Variants in ZNF487 observed in about 807,000 individuals in gnomAD.
The protein encoded by ZNF487 is zinc finger protein 487.
ZNF487 carries 4 observed loss-of-function variants against 3.0 expected under a neutral mutation model. The observed-to-expected ratio is 1.35, with a 90% CI of 0.66 to 3.08. ZNF487 has a LOEUF of 3.08. Ranked by LOEUF, ZNF487 falls within the 30% of genes most tolerant of loss-of-function variation. The pLI, the probability that ZNF487 is intolerant of heterozygous loss-of-function variation, is 0.01. For missense variants in ZNF487, 146 were observed against 98.7 expected (o/e 1.48, Z -2.03); for synonymous variants, 55 against 34.6 (o/e 1.59, Z -2.06).
rs544865028 is a variant in ZNF487, at chr10:43,459,836, C to T, written c.-93-15885C>T. Among the ~76,000 whole-genome samples, 22 of 150,452 alleles carry T rather than the reference C, an allele frequency of 1.5e-4. No homozygotes were observed. In the South Asian group the frequency reaches 4.6e-3, roughly 32 times the overall value. ...TTATTTTCTGAGATGGAGTCTCGCTCTGTCGTCCAGGCTGGAGTGCAGTGG... is the reference window on the plus strand; with the variant it reads ...TTATTTTCTGAGATGGAGTCTCGCTTTGTCGTCCAGGCTGGAGTGCAGTGG... On this transcript the variant is annotated intron_variant, in intron 1 of 3. Transcript: ENST00000437590.
chr10:43,457,660 A>T (rs1840266032), intron 1 of ZNF487, among the ~76,000 whole-genome samples: 1 of 151,874 alleles, frequency 6.6e-6, no homozygotes, highest in Non-Finnish European at 1.5e-5. Flanking sequence ...ACTGCACTCC[A>T]GCCTGGGCAA....
rs538657846 is a variant in ZNF487, at chr10:43,479,927, A to G, written c.131-1502A>G. On this transcript the variant is annotated intron_variant, in intron 3 of 3. Transcript: ENST00000437590. ...TGCCTCGGCCTCCCAAAGTGCTGGGATTACAGGTGTGAACCACTGCACCTG... is the reference window on the plus strand; with the variant it reads ...TGCCTCGGCCTCCCAAAGTGCTGGGGTTACAGGTGTGAACCACTGCACCTG... 1.1e-4 allele frequency among the ~76,000 whole-genome samples: 16 copies of G among 151,782 alleles called. No individual in the cohort carries two copies. In the East Asian group the frequency reaches 2.9e-3, roughly 28 times the overall value.
At chr10:43,441,741 T>C (rs1839620264) in intron 1 of ZNF487, among the ~76,000 whole-genome samples, 1 of 151,806 alleles carries the variant, frequency 6.6e-6, no homozygotes, top group Admixed American at 6.6e-5. Flanking sequence ...TGCATGCCAC[T>C]GTGCTTGGCT....
At position 43,475,796 on chromosome 10, in the gene ZNF487, AC is replaced by A; in HGVS notation, c.-14del. The A allele has an allele frequency of 1.3e-6, 1 of 780,620 alleles. No individual in the cohort carries two copies. The highest frequency in any genetic ancestry group is 1.7e-5 in the Admixed American group (1 of 58,918). The allele number at this position is 780,620 out of a possible 1,614,324, so 48.4% of individuals were successfully genotyped here. A position where few individuals can be genotyped will look rare whatever the true frequency, so the allele number is the denominator to read the frequency against. ...GCAGCATCTGGACTCTGCTCAGAGG[AC>A]CCCGTACAGAGACATGATGCTGGAG... On this transcript the variant is annotated 5_prime_UTR_variant, in exon 2 of 4. Coordinates refer to ENST00000437590, the MANE Select transcript of ZNF487 (RefSeq NM_001355444.3).
the ZNF487 span, among the ~76,000 whole-genome samples, chr10:43,506,263 C>T: frequency 2.6e-5 from 4 of 152,122 alleles, no homozygotes; most frequent in Admixed American, 6.5e-5. Flanking sequence ...CCTATAATCC[C>T]AGCACTTTGG....
chr10:43,463,046 C>A (rs1288496873), intron 1 of ZNF487, among the ~76,000 whole-genome samples: 1 of 151,778 alleles, frequency 6.6e-6, no homozygotes, highest in African/African-American at 2.4e-5. Context: ...ACCAGCCTGA[C>A]CAACATGGAG....
chr10:43,450,933 T>G (rs553472936), intron 1 of ZNF487, among the ~76,000 whole-genome samples: 1 of 152,126 alleles, frequency 6.6e-6, no homozygotes, highest in South Asian at 2.1e-4. Context: ...GTTTGCACCA[T>G]TATTATTATT....
intron 1 of ZNF487, among the ~76,000 whole-genome samples, chr10:43,456,568 C>T (rs11238550): frequency 0.23 from 35,236 of 152,048 alleles, 5,076 homozygotes; most frequent in Admixed American, 0.34. Context: ...AATATTACTA[C>T]CTCTAAGAAA....
chr10:43,479,873 T>G (rs939391154), intron 3 of ZNF487, among the ~76,000 whole-genome samples: 3 of 151,960 alleles, frequency 2.0e-5, no homozygotes, highest in African/African-American at 7.2e-5. Flanking sequence ...CAAGGCTGGT[T>G]TCAAACTCCT....
chr10:43,472,303 C>T (rs1425809110), intron 1 of ZNF487, among the ~76,000 whole-genome samples: 3 of 152,184 alleles, frequency 2.0e-5, no homozygotes, highest in African/African-American at 7.2e-5. Context: ...CTCTCCCAAA[C>T]CCACAACCTC....
At chr10:43,490,348 C>T in the ZNF487 span, among the ~76,000 whole-genome samples, 4,256 of 151,884 alleles carry the variant, frequency 0.028, 95 homozygotes, top group South Asian at 0.041. Context: ...CAAGACCCTG[C>T]CTCAAACAAA....
chr10:43,460,458 C>T (rs1222162469), intron 1 of ZNF487, among the ~76,000 whole-genome samples: 2 of 149,380 alleles, frequency 1.3e-5, no homozygotes, highest in Non-Finnish European at 3.0e-5. Flanking sequence ...TCATGGCAAC[C>T]TCTGCCTCCC....
At chr10:43,496,041 C>A in the ZNF487 span, 13 of 534,074 alleles carry the variant, frequency 2.4e-5, no homozygotes, top group African/African-American at 3.8e-5. Context: ...AAGGACGTGA[C>A]TGTGGACTTC....
At chr10:43,464,415 C>T (rs188672608) in intron 1 of ZNF487, among the ~76,000 whole-genome samples, 1,621 of 151,648 alleles carry the variant, frequency 0.011, 22 homozygotes, top group African/African-American at 0.037. Flanking sequence ...GGGTGTTTCT[C>T]GCAGAGGGGG....
At chr10:43,517,725 A>C in the ZNF487 span, among the ~76,000 whole-genome samples, 1 of 152,166 alleles carries the variant, frequency 6.6e-6, no homozygotes, top group Non-Finnish European at 1.5e-5. Context: ...TGGCACAGCT[A>C]CCAAAACCTC....
At chr10:43,502,008 T>A in the ZNF487 span, among the ~76,000 whole-genome samples, 1 of 152,180 alleles carries the variant, frequency 6.6e-6, no homozygotes, top group Admixed American at 6.5e-5. Flanking sequence ...AGAGGTACCA[T>A]TTGACCCAGC....
the ZNF487 span, among the ~76,000 whole-genome samples, chr10:43,515,809 T>A: frequency 1.3e-5 from 2 of 152,122 alleles, no homozygotes; most frequent in African/African-American, 4.8e-5. Flanking sequence ...GGAGTCTCGC[T>A]CGGCCGCCAG....
chr10:43,474,766 A>G (rs1231929932), intron 1 of ZNF487, among the ~76,000 whole-genome samples: 4 of 151,954 alleles, frequency 2.6e-5, no homozygotes, highest in Non-Finnish European at 5.9e-5. Flanking sequence ...TATTTTTAAT[A>G]GAGACAGGGT....
intron 3 of ZNF487, among the ~76,000 whole-genome samples, chr10:43,480,856 T>C (rs1841326270): frequency 6.6e-6 from 1 of 152,160 alleles, no homozygotes; most frequent in Non-Finnish European, 1.5e-5. Context: ...AATCAGAAGA[T>C]GAAGCAGAAC....
Sources: allele counts gnomAD v4.1 joint callset (sites outside exome capture counted in the v4.1 genomes callset), GRCh38; gene constraint gnomAD v4.1.1; transcripts MANE v1.5; gene names NCBI Gene and HGNC (gene_info 2026-07-23, HGNC 2026-07-21).